The following MACIR variants were observed in gnomAD, a reference collection of about 807,000 sequenced individuals.
MACIR encodes the protein macrophage immunometabolism regulator, also known as UNC119-binding protein C5orf30.
A neutral mutation model predicts 14.3 loss-of-function variants in MACIR; 4 were observed. The observed-to-expected ratio is 0.28, with a 90% CI of 0.14 to 0.64. The LOEUF (loss-of-function observed/expected upper bound fraction) is 0.64, where lower values mean the gene tolerates loss of function less well. Ranked by LOEUF, MACIR falls within the 30% of genes least tolerant of loss-of-function variation. The probability of loss-of-function intolerance (pLI) is 0.83; values close to 1 mark genes in which losing one functional copy is unlikely to be tolerated. For missense variants in MACIR, 228 were observed against 257.6 expected (o/e 0.89, Z 0.79); for synonymous variants, 101 against 102.4 (o/e 0.99, Z 0.08).
At chr5:103,275,253 A>T (rs939629559) in intron 2 of MACIR, among the ~76,000 whole-genome samples, 1 of 152,162 alleles carries the variant, frequency 6.6e-6, no homozygotes, top group African/African-American at 2.4e-5. Flanking sequence ...TCTTTAATTC[A>T]TTGGGGATAT....
chr5:103,267,843 C>A (rs540143602), intron 2 of MACIR, among the ~76,000 whole-genome samples: 2 of 152,068 alleles, frequency 1.3e-5, no homozygotes, highest in Non-Finnish European at 2.9e-5. Flanking sequence ...TTCATCACCC[C>A]CCAAAATTCC....
intron 2 of MACIR, among the ~76,000 whole-genome samples, chr5:103,273,681 G>A (rs536373543): frequency 4.3e-4 from 65 of 152,166 alleles, no homozygotes; most frequent in Non-Finnish European, 8.1e-4. Flanking sequence ...CCTCATTACT[G>A]TAACTTTGTG....
Position 103,278,102 on chromosome 5 carries a change from A to T in MACIR, c.*1562A>T, listed in dbSNP as rs1169360827. The T allele has an allele frequency of 6.0e-6, 1 of 167,046 alleles. No homozygotes were observed. The highest frequency in any genetic ancestry group is 1.5e-5 in the Non-Finnish European group (1 of 68,092). The allele number at this position is 167,046 out of a possible 1,614,324, so 10.3% of individuals were successfully genotyped here. On this transcript the variant is annotated 3_prime_UTR_variant, in exon 3 of 3. Coordinates refer to ENST00000319933, the MANE Select transcript of MACIR (RefSeq NM_033211.4). ...CCTTGGGGAAGTTGGCCCATATCTT[A>T]CTAAGTTGATCAGATTTCTCGTTGG...
intron 1 of MACIR, among the ~76,000 whole-genome samples, chr5:103,261,642 CTTTCTTTCTTTCTT>C (rs1376799858): frequency 3.5e-5 from 1 of 28,960 alleles, no homozygotes; most frequent in African/African-American, 1.9e-4. Flanking sequence ...TTTTCTTTTT[CTTTCTTTCTTTCTT>C]TCTTTCTTTC....
intron 1 of MACIR, among the ~76,000 whole-genome samples, chr5:103,260,295 T>C (rs1231947967): frequency 2.0e-5 from 3 of 151,930 alleles, no homozygotes; most frequent in African/African-American, 7.3e-5. Context: ...AATCCTGTAA[T>C]GCTGGATTGA....
At chr5:103,272,040 C>T (rs1181696705) in intron 2 of MACIR, among the ~76,000 whole-genome samples, 1 of 152,078 alleles carries the variant, frequency 6.6e-6, no homozygotes, top group Non-Finnish European at 1.5e-5. Flanking sequence ...TGCATGGTAC[C>T]TGTAGTGGTA....
At chr5:103,265,288 T>G (rs1804883854) in intron 1 of MACIR, among the ~76,000 whole-genome samples, 1 of 152,190 alleles carries the variant, frequency 6.6e-6, no homozygotes, top group Non-Finnish European at 1.5e-5. Flanking sequence ...TTGTTGCTGC[T>G]TTATGGCTAC....
In MACIR at chr5:103,276,623, C is replaced by G; in HGVS notation, c.*83C>G. 1 of 1,269,890 alleles carries G rather than the reference C, an allele frequency of 7.9e-7. No individual in the cohort carries two copies. Among genetic ancestry groups the G allele is most frequent in the Non-Finnish European group, 1.1e-6 (1 of 917,726 alleles). 78.7% of individuals were successfully genotyped at this position (1,269,890 alleles called of 1,614,324 possible). A position where few individuals can be genotyped will look rare whatever the true frequency, so the allele number is the denominator to read the frequency against. The stretch of plus-strand genomic sequence containing the variant: ...CCACTGCTGTACTCTGTACATGACT[C>G]TTCACACTATAGATGGTTATATCAG... On this transcript the variant is annotated 3_prime_UTR_variant, in exon 3 of 3. Coordinates refer to ENST00000319933, the MANE Select transcript of MACIR (RefSeq NM_033211.4).
Position 103,276,769 on chromosome 5 carries a change from G to T in MACIR, c.*229G>T, listed in dbSNP as rs1438959210. ...GCAACTGCAAAGAAAACAGAATGTT[G>T]ACTGTTAGTTTGTATAGCTTTTTAG... On this transcript the variant is annotated 3_prime_UTR_variant, in exon 3 of 3. Coordinates refer to ENST00000319933, the MANE Select transcript of MACIR (RefSeq NM_033211.4). The T allele has an allele frequency of 1.2e-5, 5 of 409,796 alleles. No individual in the cohort carries two copies. Among genetic ancestry groups the T allele is most frequent in the African/African-American group, 8.2e-5 (4 of 48,684 alleles). The allele number at this position is 409,796 out of a possible 1,614,324, so 25.4% of individuals were successfully genotyped here.
rs1805362229 is a variant in MACIR, at chr5:103,276,988, A to G, written c.*448A>G. 1 of 167,570 alleles carries G rather than the reference A, an allele frequency of 6.0e-6. No individual in the cohort carries two copies. The highest frequency in any genetic ancestry group is 1.5e-5 in the Non-Finnish European group (1 of 68,462). The allele number at this position is 167,570 out of a possible 1,614,324, so 10.4% of individuals were successfully genotyped here. On this transcript the variant is annotated 3_prime_UTR_variant, in exon 3 of 3. Transcript: ENST00000319933. Reference sequence around the variant, plus strand: ...AATGATTTGTTTTATGAAATTTAGAACTTGAACATTGCTGAATTGGACCAC... The same window carrying G: ...AATGATTTGTTTTATGAAATTTAGAGCTTGAACATTGCTGAATTGGACCAC...
At chr5:103,275,265 G>T (rs1805280525) in intron 2 of MACIR, among the ~76,000 whole-genome samples, 1 of 152,142 alleles carries the variant, frequency 6.6e-6, no homozygotes, top group African/African-American at 2.4e-5. Context: ...TGGGGATATG[G>T]AAGGAAGAAC....
At chr5:103,260,950 A>G (rs1554236216) in intron 1 of MACIR, among the ~76,000 whole-genome samples, 1 of 152,224 alleles carries the variant, frequency 6.6e-6, no homozygotes, top group Non-Finnish European at 1.5e-5. Flanking sequence ...TTCCTAAGAG[A>G]CAAATTTCTT....
At chr5:103,262,139 T>C (rs1277116207) in intron 1 of MACIR, among the ~76,000 whole-genome samples, 2 of 152,268 alleles carry the variant, frequency 1.3e-5, no homozygotes, top group East Asian at 3.9e-4. Flanking sequence ...AGGTTTACTG[T>C]TATTAGAAGG....
Position 103,276,191 on chromosome 5 carries a change from T to C in MACIR, c.272T>C (p.Leu91Ser), listed in dbSNP as rs368981113. ...AGCAAAGCAGAAGCCATGCCATCCT[T>C]ACGCTCCAAACAGCTAGATGCAGGA... The part of the protein sequence containing the change: ...EESKAEAMPS[L>S]RSKQLDAGLA... Residue 91 changes from leucine (L) to serine (S), a missense_variant, in exon 3 of 3, where the codon TTA becomes TCA. Physicochemically the swap from Leu to Ser is moderately radical, Grantham distance 145. Coordinates refer to ENST00000319933, the MANE Select transcript of MACIR (RefSeq NM_033211.4). 1 of 1,613,728 alleles carries C rather than the reference T, an allele frequency of 6.2e-7. No homozygotes were observed. Among genetic ancestry groups the C allele is most frequent in the East Asian group, 2.2e-5 (1 of 44,866 alleles).
Position 103,276,595 on chromosome 5 carries a change from A to G in MACIR, c.*55A>G. 1 of 1,503,726 alleles carries G rather than the reference A, an allele frequency of 6.7e-7. No homozygotes were observed. The highest frequency in any genetic ancestry group is 9.0e-7 in the Non-Finnish European group (1 of 1,112,182). The allele number at this position is 1,503,726 out of a possible 1,614,324, so 93.1% of individuals were successfully genotyped here. On this transcript the variant is annotated 3_prime_UTR_variant, in exon 3 of 3. Coordinates refer to ENST00000319933, the MANE Select transcript of MACIR (RefSeq NM_033211.4). Reference sequence around the variant, plus strand: ...GGTCAGCCTACGCTTGGCTAGAAAAAACCCACTGCTGTACTCTGTACATGA... The same window carrying G: ...GGTCAGCCTACGCTTGGCTAGAAAAGACCCACTGCTGTACTCTGTACATGA...
chr5:103,275,038 A>C (rs1580583841), intron 2 of MACIR, among the ~76,000 whole-genome samples: 1 of 152,188 alleles, frequency 6.6e-6, no homozygotes, highest in African/African-American at 2.4e-5. Flanking sequence ...GAACAATATT[A>C]CTATTCATTG....
intron 1 of MACIR, among the ~76,000 whole-genome samples, chr5:103,263,218 CCTCCTCCTG>C (rs1554236459): frequency 2.0e-5 from 3 of 151,232 alleles, no homozygotes; most frequent in African/African-American, 7.4e-5. Context: ...TCCTCCTCCT[CCTCCTCCTG>C]CTCTTCCTCC....
intron 2 of MACIR, among the ~76,000 whole-genome samples, chr5:103,268,461 T>A (rs1287202180): frequency 6.6e-6 from 1 of 152,128 alleles, no homozygotes; most frequent in Non-Finnish European, 1.5e-5. Context: ...TAGGGGTAGG[T>A]TGTTAGCAAT....
intron 1 of MACIR, among the ~76,000 whole-genome samples, chr5:103,265,426 G>C (rs1447565053): frequency 1.3e-5 from 2 of 152,150 alleles, no homozygotes; most frequent in Non-Finnish European, 2.9e-5. Context: ...AGGGAGGAAG[G>C]GGGGTTATTA....
Sources: gnomAD v4.1 joint callset for allele counts (sites outside exome capture counted in the v4.1 genomes callset) on GRCh38, gnomAD v4.1.1 for gene constraint, MANE v1.5 for transcripts, NCBI Gene and HGNC (gene_info 2026-07-23, HGNC 2026-07-21) for gene names.